The following DGKG variants were observed in gnomAD, a reference collection of about 807,000 sequenced individuals.
DGKG encodes diacylglycerol kinase gamma, also known as DAG kinase gamma.
DGKG carries 78 observed loss-of-function variants against 105.3 expected under a neutral mutation model. The observed-to-expected ratio is 0.74, with a 90% CI of 0.62 to 0.89. The LOEUF is 0.89. DGKG is among the 40% of genes least tolerant of loss of function. The probability of loss-of-function intolerance (pLI) is 0.00; values close to 1 mark genes in which losing one functional copy is unlikely to be tolerated. For synonymous variants in DGKG, 346 were observed against 367.1 expected (o/e 0.94, Z 0.66); for missense variants, 958 against 1,020.1 (o/e 0.94, Z 0.83).
chr3:186,336,186 G>A (rs1361562074), intron 1 of DGKG, among the ~76,000 whole-genome samples: 5 of 152,140 alleles, frequency 3.3e-5, no homozygotes, highest in Non-Finnish European at 2.9e-5. Flanking sequence ...GACCATCTCA[G>A]TCCAACTTCT....
intron 2 of DGKG, 127 bp from the exon 3 acceptor site, chr3:186,307,104 T>C: frequency 3.0e-6 from 2 of 673,252 alleles, no homozygotes; most frequent in Admixed American, 2.4e-5. Context: ...TCTGGAGAAA[T>C]GTCACCCTCT....
Position 186,327,378 on chromosome 3 carries a change from C to T in DGKG, c.-248-6671G>A, listed in dbSNP as rs571907178. ...CCTCCTCCTCCTCCTCCTCCTTATT[C>T]TTTTTCTTCTTCTTTTTTTTTTTTT... On this transcript the variant is annotated intron_variant, in intron 1 of 24. Transcript: ENST00000265022. 4.8e-5 allele frequency among the ~76,000 whole-genome samples: 7 copies of T among 145,868 alleles called. No individual in the cohort carries two copies. The South Asian group carries it at 1.5e-3, about 31-fold the overall frequency.
At position 186,271,903 on chromosome 3, in the gene DGKG, G is replaced by T. The variant is rs1358754094; in HGVS notation, c.999+352C>A. Among the ~76,000 whole-genome samples the T allele has an allele frequency of 2.6e-5, 4 of 152,312 alleles. No individual in the cohort carries two copies. In the East Asian group the frequency reaches 7.7e-4, roughly 29 times the overall value. On this transcript the variant is annotated intron_variant, in intron 11 of 24. Coordinates refer to ENST00000265022, the MANE Select transcript of DGKG (RefSeq NM_001346.3). Reference sequence around the variant, plus strand: ...CAATGCCAGCTCCTTTGTGCAACTTGCCCCGTGCTTCCACTGTACCTTCCA... The same window carrying T: ...CAATGCCAGCTCCTTTGTGCAACTTTCCCCGTGCTTCCACTGTACCTTCCA...
chr3:186,284,685 T>A lies in DGKG; in HGVS notation c.569A>T (p.Asp190Val), dbSNP rs770251578. 1.2e-6 allele frequency: 2 copies of A among 1,613,952 alleles called. No individual in the cohort carries two copies. Among genetic ancestry groups the A allele is most frequent in the Admixed American group, 1.7e-5 (1 of 60,016 alleles). ...CGCTTGGTCCAGGAGACCGTTCTCA[T>A]CTGAATCATAGAGGCGAAACATGAC... is the stretch of plus-strand genomic sequence containing the variant. Reference protein sequence around the residue: ...LEFMFRLYDSDENGLLDQAEM... With the variant: ...LEFMFRLYDSVENGLLDQAEM... Residue 190 changes from aspartate (D) to valine (V), a missense_variant, in exon 7 of 25, where the codon GAT becomes GTT. Transcript: ENST00000265022. The surrounding 1 kb of genome is among the most constrained non-coding windows in gnomAD (Gnocchi z 4.0).
chr3:186,257,564 A>T (rs1263614125), intron 17 of DGKG, among the ~76,000 whole-genome samples: 2 of 151,946 alleles, frequency 1.3e-5, no homozygotes, highest in African/African-American at 4.8e-5. Flanking sequence ...CCACCCCCCA[A>T]ATCTGGCCTG....
At chr3:186,224,576 GA>G (rs1333182868) in intron 20 of DGKG, among the ~76,000 whole-genome samples, 4 of 152,196 alleles carry the variant, frequency 2.6e-5, no homozygotes, top group African/African-American at 9.7e-5. Flanking sequence ...GGGGTAAGGG[GA>G]TTCTGTGGTC....
intron 24 of DGKG, among the ~76,000 whole-genome samples, chr3:186,153,371 T>C (rs1003834613): frequency 1.3e-5 from 2 of 152,204 alleles, no homozygotes; most frequent in Non-Finnish European, 1.5e-5. Flanking sequence ...CCCACGTTTC[T>C]GTAGTTAGCA....
intron 9 of DGKG, among the ~76,000 whole-genome samples, chr3:186,276,211 C>T (rs1029126752): frequency 1.3e-5 from 2 of 152,070 alleles, no homozygotes; most frequent in East Asian, 1.9e-4. Flanking sequence ...ATAGTACATC[C>T]GTCTGATGTA....
chr3:186,297,228 C>T (rs1723626265), intron 5 of DGKG, among the ~76,000 whole-genome samples, 193 bp downstream of exon 5: 1 of 152,178 alleles, frequency 6.6e-6, no homozygotes, highest in Non-Finnish European at 1.5e-5. Flanking sequence ...AACCTTTACC[C>T]AGCCTCAGAA....
At chr3:186,264,533 C>T (rs1389334692) in intron 14 of DGKG, among the ~76,000 whole-genome samples, 3 of 152,194 alleles carry the variant, frequency 2.0e-5, no homozygotes, top group Non-Finnish European at 4.4e-5. Flanking sequence ...CAAACTGCTG[C>T]GATGACAGGC....
At chr3:186,340,277 A>C (rs961311731) in intron 1 of DGKG, among the ~76,000 whole-genome samples, 1 of 152,210 alleles carries the variant, frequency 6.6e-6, no homozygotes, top group African/African-American at 2.4e-5. Flanking sequence ...GTAAATTTAA[A>C]AAACTATAAA....
At chr3:186,222,366 A>G (rs1719626098) in intron 20 of DGKG, among the ~76,000 whole-genome samples, 1 of 152,274 alleles carries the variant, frequency 6.6e-6, no homozygotes, top group African/African-American at 2.4e-5. Flanking sequence ...TTTTAGAGAG[A>G]GCTTACTGGA....
chr3:186,305,391 G>T (rs1216423640), intron 3 of DGKG, among the ~76,000 whole-genome samples: 1 of 152,200 alleles, frequency 6.6e-6, no homozygotes, highest in Non-Finnish European at 1.5e-5. Flanking sequence ...GGTGACACTG[G>T]CTTATTTGAT....
At chr3:186,337,472 C>T (rs1180549890) in intron 1 of DGKG, among the ~76,000 whole-genome samples, 1 of 152,154 alleles carries the variant, frequency 6.6e-6, no homozygotes, top group Non-Finnish European at 1.5e-5. Context: ...CCTCCTTTAA[C>T]TTCATGATGG....
intron 20 of DGKG, among the ~76,000 whole-genome samples, chr3:186,225,539 T>G (rs1354163536): frequency 6.6e-6 from 1 of 152,128 alleles, no homozygotes; most frequent in African/African-American, 2.4e-5. Flanking sequence ...TGTTTAAAAT[T>G]GGAAAATTTT....
chr3:186,223,572 C>T (rs555493350), intron 20 of DGKG, among the ~76,000 whole-genome samples: 2 of 152,022 alleles, frequency 1.3e-5, no homozygotes, highest in Non-Finnish European at 2.9e-5. Context: ...TGGATAAATA[C>T]CCCCCTTCTC....
intron 1 of DGKG, among the ~76,000 whole-genome samples, chr3:186,359,090 C>A (rs918099105): frequency 6.6e-6 from 1 of 152,090 alleles, no homozygotes; most frequent in Non-Finnish European, 1.5e-5. Context: ...GAAGAATGCT[C>A]GTGTGATGTG....
At chr3:186,314,714 G>A (rs565374549) in intron 2 of DGKG, among the ~76,000 whole-genome samples, 2 of 144,188 alleles carry the variant, frequency 1.4e-5, no homozygotes, top group South Asian at 2.2e-4. Context: ...AGATCGCGCC[G>A]CTGCACTCCA....
intron 14 of DGKG, among the ~76,000 whole-genome samples, chr3:186,263,468 G>A (rs988047549): frequency 7.2e-5 from 11 of 152,050 alleles, no homozygotes; most frequent in African/African-American, 2.7e-4. Context: ...TTGGGAGGCT[G>A]AGGCAGGAGA....
Sources: gnomAD v4.1 joint callset for allele counts (sites outside exome capture counted in the v4.1 genomes callset) on GRCh38, gnomAD v4.1.1 for gene constraint, Gnocchi (gnomAD v3.1) non-coding constraint, MANE v1.5 for transcripts, NCBI Gene and HGNC (gene_info 2026-07-23, HGNC 2026-07-21) for gene names.